The following RASEF variants were observed in gnomAD, a reference collection of about 807,000 sequenced individuals.
The protein encoded by RASEF is ras and EF-hand domain-containing protein.
In RASEF, 68 loss-of-function variants were observed where a neutral mutation model predicts 90.1. The ratio of observed to expected loss-of-function variants is 0.75; its 90% CI spans 0.62 to 0.92. RASEF has a LOEUF of 0.92. RASEF is among the 40% of genes least tolerant of loss of function. The pLI, the probability that RASEF is intolerant of heterozygous loss-of-function variation, is 0.00. For missense variants in RASEF, 949 were observed against 937.2 expected (o/e 1.01, Z -0.16); for synonymous variants, 331 against 345.2 (o/e 0.96, Z 0.46).
chr9:83,087,721 T>A, the RASEF span, among the ~76,000 whole-genome samples: 1 of 152,040 alleles, frequency 6.6e-6, no homozygotes, highest in Non-Finnish European at 1.5e-5. Context: ...ATAACCAACT[T>A]TTGGTTTTAT....
At chr9:83,180,040 G>GCATT in the RASEF span, among the ~76,000 whole-genome samples, 48,225 of 151,774 alleles carry the variant, frequency 0.32, 7,758 homozygotes, top group Middle Eastern at 0.43. Flanking sequence ...CTTAGAGAGT[G>GCATT]CATTCATTCT....
At chr9:83,089,599 C>A in the RASEF span, among the ~76,000 whole-genome samples, 2 of 152,104 alleles carry the variant, frequency 1.3e-5, no homozygotes, top group African/African-American at 4.8e-5. Flanking sequence ...AATATGTCAC[C>A]TTACTGTCTT....
the RASEF span, among the ~76,000 whole-genome samples, chr9:83,211,130 G>T: frequency 1.3e-5 from 2 of 152,178 alleles, no homozygotes; most frequent in Non-Finnish European, 2.9e-5. Flanking sequence ...TCAAAATCAT[G>T]CATTGCATTT....
At chr9:83,186,778 T>C in the RASEF span, among the ~76,000 whole-genome samples, 3 of 152,106 alleles carry the variant, frequency 2.0e-5, no homozygotes, top group Non-Finnish European at 4.4e-5. Flanking sequence ...TCTCTAAAAT[T>C]TAAGGAAAAA....
At chr9:83,055,443 C>G in intron 1 of RASEF, 1 of 633,190 alleles carries the variant, frequency 1.6e-6, no homozygotes, top group Non-Finnish European at 2.9e-6. Flanking sequence ...CGCCCACTGT[C>G]TCGCACTCCG....
chr9:82,986,279 C>T (rs143100043), intron 16 of RASEF, among the ~76,000 whole-genome samples: 2 of 152,338 alleles, frequency 1.3e-5, no homozygotes, highest in East Asian at 3.9e-4. Context: ...ATAACCATAG[C>T]ATCTTCACTG....
At chr9:83,061,166 T>A (rs1454031464) in intron 1 of RASEF, among the ~76,000 whole-genome samples, 1 of 152,250 alleles carries the variant, frequency 6.6e-6, no homozygotes, top group East Asian at 1.9e-4. Context: ...TAAATTTTGC[T>A]ACTTCCCTGG....
chr9:83,152,956 C>A, the RASEF span, among the ~76,000 whole-genome samples: 2 of 152,182 alleles, frequency 1.3e-5, no homozygotes, highest in Non-Finnish European at 2.9e-5. Context: ...TAAAGCATAT[C>A]ATTGGAGAAC....
At chr9:83,030,199 A>G (rs1377811285) in intron 1 of RASEF, among the ~76,000 whole-genome samples, 3 of 152,100 alleles carry the variant, frequency 2.0e-5, no homozygotes, top group African/African-American at 7.2e-5. Context: ...TCTACTAAAA[A>G]TACAGAAATT....
In RASEF at chr9:82,979,786, T is replaced by C. The variant is rs1828564812; in HGVS notation, c.*2891A>G. ...TCAAAATCATAAAACAATTATTCAA[T>C]ACTCAGAGGCCTACTTAATATATAC... On this transcript the variant is annotated 3_prime_UTR_variant, in exon 17 of 17. Transcript: ENST00000376447. The C allele has an allele frequency of 6.6e-6, 1 of 152,186 alleles. No homozygotes were observed. Among genetic ancestry groups the C allele is most frequent in the Non-Finnish European group, 1.5e-5 (1 of 68,038 alleles). The allele number at this position is 152,186 out of a possible 1,614,324, so 9.4% of individuals were successfully genotyped here.
At chr9:83,114,359 T>C in the RASEF span, among the ~76,000 whole-genome samples, 4 of 152,260 alleles carry the variant, frequency 2.6e-5, no homozygotes, top group Admixed American at 6.5e-5. Context: ...GTATGTCACC[T>C]CAGGACCCTG....
chr9:83,131,850 G>A, the RASEF span, among the ~76,000 whole-genome samples: 1 of 152,138 alleles, frequency 6.6e-6, no homozygotes, highest in Admixed American at 6.5e-5. Context: ...TATATAGGAT[G>A]TCTACAGAAT....
At chr9:83,207,457 C>T in the RASEF span, among the ~76,000 whole-genome samples, 2 of 152,142 alleles carry the variant, frequency 1.3e-5, no homozygotes, top group Non-Finnish European at 2.9e-5. Flanking sequence ...ATCGAAGTTA[C>T]CAGAGCCTGA....
the RASEF span, among the ~76,000 whole-genome samples, chr9:83,187,870 A>G: frequency 5.9e-5 from 9 of 152,184 alleles, no homozygotes; most frequent in Non-Finnish European, 1.0e-4. Context: ...TCCCCTGTGT[A>G]ACAGCAACAC....
chr9:82,996,020 CTG>C lies in RASEF; in HGVS notation c.1920+990_1920+991del, dbSNP rs1304587786. Among the ~76,000 whole-genome samples, 4 of 152,298 alleles carry C rather than the reference CTG, an allele frequency of 2.6e-5. No homozygotes were observed. The East Asian group carries it at 7.7e-4, about 29-fold the overall frequency. On this transcript the variant is annotated intron_variant, in intron 14 of 16. Coordinates refer to ENST00000376447, the MANE Select transcript of RASEF (RefSeq NM_152573.4). ...TTACATAAATGTAAACACACTTTCA[CTG>C]TGTTTACAATCATTTTAAGCCATGA... is the stretch of plus-strand genomic sequence containing the variant.
chr9:82,996,656 C>A (rs967357114), intron 14 of RASEF, among the ~76,000 whole-genome samples: 2 of 152,138 alleles, frequency 1.3e-5, no homozygotes, highest in African/African-American at 4.8e-5. Flanking sequence ...CCCCCACATG[C>A]CCCCAACTAC....
the RASEF span, among the ~76,000 whole-genome samples, chr9:83,155,309 A>G: frequency 6.6e-6 from 1 of 152,138 alleles, no homozygotes; most frequent in African/African-American, 2.4e-5. Flanking sequence ...ATGAAGACAT[A>G]CCCAAGACTG....
intron 9 of RASEF, among the ~76,000 whole-genome samples, chr9:83,002,962 T>G (rs1312740407): frequency 2.0e-5 from 3 of 152,180 alleles, no homozygotes; most frequent in Non-Finnish European, 4.4e-5. Flanking sequence ...CATATCCTTT[T>G]CAAAGTCAAC....
chr9:83,062,365 A>C, intron 1 of RASEF, 72 bp downstream of exon 1: 2 of 1,490,388 alleles, frequency 1.3e-6, no homozygotes, highest in African/African-American at 1.4e-5. Flanking sequence ...GGGTCTGCAC[A>C]CCTGCAAGTA....
Sources: allele counts gnomAD v4.1 joint callset (sites outside exome capture counted in the v4.1 genomes callset), GRCh38; gene constraint gnomAD v4.1.1; transcripts MANE v1.5; gene names NCBI Gene and HGNC (gene_info 2026-07-23, HGNC 2026-07-21).